Variants in FGF2 observed in about 807,000 individuals in gnomAD.
FGF2 encodes fibroblast growth factor 2.
FGF2 carries 13 observed loss-of-function variants against 15.9 expected under a neutral mutation model. The ratio of observed to expected loss-of-function variants is 0.82; its 90% CI spans 0.53 to 1.30. The LOEUF is 1.30. Among genes scored for constraint, FGF2 ranks in the 50% most tolerant of loss-of-function variants. The probability of loss-of-function intolerance (pLI) is 0.00; values close to 1 mark genes in which losing one functional copy is unlikely to be tolerated. For missense variants in FGF2, 163 were observed against 196.9 expected (o/e 0.83, Z 1.03); for synonymous variants, 90 against 78.4 (o/e 1.15, Z -0.78).
intron 2 of FGF2, among the ~76,000 whole-genome samples, chr4:122,878,631 A>G (rs1726904247): frequency 6.6e-6 from 1 of 152,140 alleles, no homozygotes; most frequent in African/African-American, 2.4e-5. Context: ...AAATTTGAGA[A>G]AGATCATCCT....
intron 1 of FGF2, among the ~76,000 whole-genome samples, chr4:122,837,691 C>T (rs891685595): frequency 2.0e-5 from 3 of 151,804 alleles, no homozygotes; most frequent in African/African-American, 7.3e-5. Flanking sequence ...TACTCACTGG[C>T]TGGATGACTA....
rs113754132 is a variant in FGF2 at position 122,876,371 on chromosome 4, G to C, written c.229G>C (p.Val77Leu). ...EERGVVSIKG[V>L]CANRYLAMKE... ...GAGAGGAGTTGTGTCTATCAAAGGA[G>C]TGTGTGCTAACCGTTACCTGGCTAT... Residue 77 changes from valine (V) to leucine (L), a missense_variant, in exon 2 of 3, where the codon GTG becomes CTG. Coordinates refer to ENST00000644866, the MANE Select transcript of FGF2 (RefSeq NM_001361665.2). 1.3e-4 allele frequency: 217 copies of C among 1,613,672 alleles called. No homozygotes were observed. The African/African-American group carries it at 1.9e-3, about 14-fold the overall frequency.
chr4:122,873,052 C>G (rs1279835550), intron 1 of FGF2, among the ~76,000 whole-genome samples: 3 of 152,218 alleles, frequency 2.0e-5, no homozygotes, highest in African/African-American at 7.2e-5. Context: ...CCTATCTGTC[C>G]TTTACCTTCT....
chr4:122,868,363 A>T (rs1390063340), intron 1 of FGF2, among the ~76,000 whole-genome samples: 2 of 152,156 alleles, frequency 1.3e-5, no homozygotes, highest in Non-Finnish European at 2.9e-5. Flanking sequence ...GAGAGAGAAC[A>T]TGCGGTATTT....
At chr4:122,839,240 A>G (rs1199740012) in intron 1 of FGF2, among the ~76,000 whole-genome samples, 1 of 152,258 alleles carries the variant, frequency 6.6e-6, no homozygotes. Flanking sequence ...CAGTAAAAAT[A>G]TGACATTATA....
chr4:122,843,080 AAG>A (rs1322433629), intron 1 of FGF2, among the ~76,000 whole-genome samples: 1 of 152,224 alleles, frequency 6.6e-6, no homozygotes, highest in African/African-American at 2.4e-5. Context: ...CACGACAAGA[AAG>A]AGATATAAAT....
intron 1 of FGF2, among the ~76,000 whole-genome samples, chr4:122,839,387 C>T (rs1247333259): frequency 6.6e-6 from 1 of 152,080 alleles, no homozygotes; most frequent in Non-Finnish European, 1.5e-5. Context: ...ACAACAACAA[C>T]AACAAAAGCA....
chr4:122,834,419 G>A (rs949079414), intron 1 of FGF2, among the ~76,000 whole-genome samples: 8 of 151,716 alleles, frequency 5.3e-5, no homozygotes, highest in Non-Finnish European at 1.0e-4. Context: ...TTCTTTTTTT[G>A]AACTCTTTTA....
chr4:122,851,476 G>A (rs1216796547), intron 1 of FGF2, among the ~76,000 whole-genome samples: 2 of 152,172 alleles, frequency 1.3e-5, no homozygotes, highest in African/African-American at 4.8e-5. Context: ...ACTGGAGATG[G>A]TCAGAGACTG....
At chr4:122,846,097 A>G (rs308421) in intron 1 of FGF2, among the ~76,000 whole-genome samples, 15,088 of 152,252 alleles carry the variant, frequency 0.099, 1,398 homozygotes, top group African/African-American at 0.23. Flanking sequence ...CTTAGGGAAC[A>G]GGGAGGCCCT....
intron 2 of FGF2, among the ~76,000 whole-genome samples, chr4:122,885,913 C>CTTTTTT (rs11310783): frequency 2.5e-4 from 21 of 84,524 alleles, no homozygotes; most frequent in African/African-American, 4.9e-4. Flanking sequence ...TTTTTTTTTC[C>CTTTTTT]TTTTTTTTTT....
At position 122,897,228 on chromosome 4, in the gene FGF2, A is replaced by G. The variant is rs1727388567; in HGVS notation, c.*4832A>G. 1 of 162,902 alleles carries G rather than the reference A, an allele frequency of 6.1e-6. No homozygotes were observed. Among genetic ancestry groups the G allele is most frequent in the African/African-American group, 2.4e-5 (1 of 41,658 alleles). 10.1% of individuals were successfully genotyped at this position (162,902 alleles called of 1,614,324 possible). On this transcript the variant is annotated 3_prime_UTR_variant, in exon 3 of 3. Coordinates refer to ENST00000644866, the MANE Select transcript of FGF2 (RefSeq NM_001361665.2). ...TTATTTCAAAGTTCATTTAAAGGCT[A>G]CTATTCATCCTCTGTGATGGAATGG...
At chr4:122,869,311 C>G (rs1425444684) in intron 1 of FGF2, among the ~76,000 whole-genome samples, 4 of 152,172 alleles carry the variant, frequency 2.6e-5, no homozygotes, top group Non-Finnish European at 5.9e-5. Context: ...ATTGTCTTGG[C>G]TATACGGGGT....
At chr4:122,848,752 G>A (rs1279087718) in intron 1 of FGF2, among the ~76,000 whole-genome samples, 10 of 152,212 alleles carry the variant, frequency 6.6e-5, no homozygotes, top group Admixed American at 5.2e-4. Context: ...CCCCTTTCAT[G>A]TGGAAGAAAA....
intron 1 of FGF2, among the ~76,000 whole-genome samples, chr4:122,853,051 A>G (rs1726268464): frequency 6.6e-6 from 1 of 152,192 alleles, no homozygotes; most frequent in Non-Finnish European, 1.5e-5. Flanking sequence ...TAATCCCAGT[A>G]CTTTAGGAGG....
chr4:122,840,706 A>G (rs1412381582), intron 1 of FGF2: 5 of 172,366 alleles, frequency 2.9e-5, no homozygotes, highest in Non-Finnish European at 6.4e-5. Flanking sequence ...TGAGTCCTTA[A>G]GGTCTGAAGA....
chr4:122,852,086 C>T (rs964451979), intron 1 of FGF2, among the ~76,000 whole-genome samples: 3 of 152,164 alleles, frequency 2.0e-5, no homozygotes, highest in Non-Finnish European at 4.4e-5. Context: ...TCCTCCACTG[C>T]TTCAGTTGTC....
chr4:122,838,255 T>A (rs1035554153), intron 1 of FGF2, among the ~76,000 whole-genome samples: 2 of 152,196 alleles, frequency 1.3e-5, no homozygotes, highest in African/African-American at 4.8e-5. Flanking sequence ...ACTGCCATGG[T>A]GACTAGGCAG....
chr4:122,833,078 T>C (rs1725795983), intron 1 of FGF2, among the ~76,000 whole-genome samples: 2 of 152,242 alleles, frequency 1.3e-5, no homozygotes, highest in African/African-American at 4.8e-5. Context: ...TCAGTGTTTA[T>C]GTCTCATCCA....
Sources: gnomAD v4.1 joint callset for allele counts (sites outside exome capture counted in the v4.1 genomes callset) on GRCh38, gnomAD v4.1.1 for gene constraint, MANE v1.5 for transcripts, NCBI Gene and HGNC (gene_info 2026-07-23, HGNC 2026-07-21) for gene names.